GRAMD2A: variants seen among roughly 807,000 people sequenced by gnomAD.
The protein encoded by GRAMD2A is GRAM domain containing 2A.
Under a neutral mutation model 51.1 loss-of-function variants are expected in GRAMD2A, and 37 were observed. That is an observed-to-expected ratio of 0.72 (90% CI 0.56 to 0.95). The LOEUF (loss-of-function observed/expected upper bound fraction) is 0.95. Among genes scored for constraint, GRAMD2A ranks in the 40% least tolerant of loss-of-function variants. The pLI, the probability that GRAMD2A is intolerant of heterozygous loss-of-function variation, is 0.00. For missense variants in GRAMD2A, 414 were observed against 426.9 expected (o/e 0.97, Z 0.27); for synonymous variants, 136 against 157.1 (o/e 0.87, Z 1.01).
At chr15:72,181,503 G>C (rs1194366326) in intron 1 of GRAMD2A, among the ~76,000 whole-genome samples, 1 of 152,208 alleles carries the variant, frequency 6.6e-6, no homozygotes, top group African/African-American at 2.4e-5. Context: ...AGAGAGATCA[G>C]GTGAAAGGCT....
At chr15:72,185,999 A>G (rs1157976439) in intron 1 of GRAMD2A, among the ~76,000 whole-genome samples, 1 of 152,238 alleles carries the variant, frequency 6.6e-6, no homozygotes, top group Admixed American at 6.5e-5. Flanking sequence ...TAATTGCATA[A>G]AGATTTAAAA....
rs1390313601 is a variant in GRAMD2A, at chr15:72,166,713, G to A, written c.472-10C>T. The A allele has an allele frequency of 1.2e-6, 2 of 1,610,462 alleles. No individual in the cohort carries two copies. Among genetic ancestry groups the A allele is most frequent in the Non-Finnish European group, 8.5e-7 (1 of 1,177,732 alleles). On this transcript the variant is annotated splice_polypyrimidine_tract_variant and intron_variant, in intron 6 of 11. Coordinates refer to ENST00000309731, the MANE Select transcript of GRAMD2A (RefSeq NM_001012642.3). This position sits in a 1 kb window ranked among gnomAD's most constrained non-coding sequence, Gnocchi z 4.1. Reference sequence around the variant, plus strand: ...GTGACACAAAGATATACTGGGACATGGAAAGAAAACAGACAGGGGTAGGGT... The same window carrying A: ...GTGACACAAAGATATACTGGGACATAGAAAGAAAACAGACAGGGGTAGGGT...
chr15:72,161,262 G>A lies in GRAMD2A; in HGVS notation c.*747C>T, dbSNP rs1204476026. The A allele has an allele frequency of 6.6e-6, 1 of 152,442 alleles. No individual in the cohort carries two copies. Among genetic ancestry groups the A allele is most frequent in the Non-Finnish European group, 1.5e-5 (1 of 68,206 alleles). The allele number at this position is 152,442 out of a possible 1,614,324, so 9.4% of individuals were successfully genotyped here. On this transcript the variant is annotated 3_prime_UTR_variant, in exon 12 of 12. Coordinates refer to ENST00000309731, the MANE Select transcript of GRAMD2A (RefSeq NM_001012642.3). ...CCTGCTCCACTTGTCTCACCGGAAA[G>A]TGACAGCTGAGGACACAGAATTCAG... is the stretch of plus-strand genomic sequence containing the variant.
intron 1 of GRAMD2A, chr15:72,176,651 C>T (rs190218021): frequency 1.5e-3 from 228 of 152,500 alleles, no homozygotes; most frequent in South Asian, 0.014. Context: ...GGACATCTGT[C>T]CTGGATAAAA....
At chr15:72,169,968 G>A in intron 1 of GRAMD2A, 29 bp from the exon 2 acceptor site, 1 of 1,557,302 alleles carries the variant, frequency 6.4e-7, no homozygotes, top group Non-Finnish European at 8.9e-7. Flanking sequence ...ATATCAGGAA[G>A]GGGGCTTCAT....
At chr15:72,188,335 T>G (rs1369619327) in intron 1 of GRAMD2A, among the ~76,000 whole-genome samples, 1 of 141,262 alleles carries the variant, frequency 7.1e-6, no homozygotes, top group South Asian at 2.2e-4. Flanking sequence ...AGACTTCGTC[T>G]CAAAGAAAAA....
rs530624179 is a variant in GRAMD2A, at chr15:72,170,031, C to T, written c.42-92G>A. 30 of 911,990 alleles carry T rather than the reference C, an allele frequency of 3.3e-5. No homozygotes were observed. Among genetic ancestry groups the T allele is most frequent in the Non-Finnish European group, 3.7e-6 (2 of 541,372 alleles). 56.5% of individuals were successfully genotyped at this position (911,990 alleles called of 1,614,324 possible). ...CATGCCCATGGCCGCTGCCTCTGGC[C>T]CCCACCCAAGACTGGCCCTGATATT... On this transcript the variant is annotated intron_variant, in intron 1 of 11. Coordinates refer to ENST00000309731, the MANE Select transcript of GRAMD2A (RefSeq NM_001012642.3). This position sits in a 1 kb window ranked among gnomAD's most constrained non-coding sequence, Gnocchi z 4.5.
Position 72,163,727 on chromosome 15 carries a change from T to C in GRAMD2A, c.631A>G (p.Lys211Glu), listed in dbSNP as rs773395966. 1.2e-6 allele frequency: 2 copies of C among 1,609,382 alleles called. No homozygotes were observed. The highest frequency in any genetic ancestry group is 1.7e-6 in the Non-Finnish European group (2 of 1,178,834). ...EVLIPEMKWR[K>E]VCPSSRSLSL... ...AGGGACCTGGAGGAAGGGCATACCT[T>C]TCTCCACTTCATCTCAGGGATGAGG... The change falls in exon 9 of 12, where the codon AAG becomes GAG. Residue 211 changes from lysine (K) to glutamate (E), a missense_variant. Physicochemically the swap from Lys to Glu is moderately conservative, Grantham distance 56 (BLOSUM62 1). Transcript: ENST00000309731.
At chr15:72,169,620 C>A (rs1350301546) in intron 2 of GRAMD2A, 24 of 688,596 alleles carry the variant, frequency 3.5e-5, no homozygotes, top group Admixed American at 6.1e-5. Flanking sequence ...CACAGGTGAG[C>A]AGGGAGGAGG....
chr15:72,168,500 C>A lies in GRAMD2A; in HGVS notation c.259G>T (p.Val87Phe). ...CCGGGAGACAGCTCACCTTTGAGAA[C>A]CACTTCCTCCAAGGGAACATCCTTA... ...LFKDVPLEEV[V>F]LKVCSCALQR... is the part of the protein sequence containing the mutation. The change falls in exon 4 of 12, where the codon GTT becomes TTT. Residue 87 changes from valine (V) to phenylalanine (F), a missense_variant. Coordinates refer to ENST00000309731, the MANE Select transcript of GRAMD2A (RefSeq NM_001012642.3). The A allele has an allele frequency of 6.2e-7, 1 of 1,613,048 alleles. No homozygotes were observed. Among genetic ancestry groups the A allele is most frequent in the Non-Finnish European group, 8.5e-7 (1 of 1,179,212 alleles).
intron 1 of GRAMD2A, among the ~76,000 whole-genome samples, chr15:72,180,166 C>T (rs996814507): frequency 6.6e-6 from 1 of 152,220 alleles, no homozygotes; most frequent in Non-Finnish European, 1.5e-5. Flanking sequence ...AACCGGGAAG[C>T]TTTCCTCCTG....
In GRAMD2A at chr15:72,167,814, G is replaced by A. The variant is rs2081564880; in HGVS notation, c.294C>T (p.Asp98=). Residue 98 remains aspartate, a synonymous_variant, in exon 5 of 12, where the codon GAC becomes GAT. Coordinates refer to ENST00000309731, the MANE Select transcript of GRAMD2A (RefSeq NM_001012642.3). ...TGTAGAGCCGGCCCTGGAGGAGGAA[G>A]TCCCTCTGGAGGGCACAGGAACACA... ...LKVCSCALQR[D]FLLQGRLYIS... The A allele has an allele frequency of 9.9e-6, 16 of 1,613,892 alleles. No individual in the cohort carries two copies. Among genetic ancestry groups the A allele is most frequent in the Non-Finnish European group, 1.4e-5 (16 of 1,179,912 alleles).
At chr15:72,194,419 C>T (rs1010382458) in intron 1 of GRAMD2A, among the ~76,000 whole-genome samples, 3 of 152,148 alleles carry the variant, frequency 2.0e-5, no homozygotes, top group African/African-American at 7.2e-5. Flanking sequence ...TTTATTCTTT[C>T]TCCTAAGCTT....
chr15:72,179,504 G>C (rs1293879550), intron 1 of GRAMD2A, among the ~76,000 whole-genome samples: 3 of 152,244 alleles, frequency 2.0e-5, no homozygotes, highest in African/African-American at 7.2e-5. Flanking sequence ...GAGGGGGCAG[G>C]AGGCAGAGAG....
At position 72,171,758 on chromosome 15, in the gene GRAMD2A, G is replaced by A. The variant is rs7177512; in HGVS notation, c.42-1819C>T. ...CACTGGAAGTTCATTGTCTTATAGA[G>A]AATTCACAGGTGAAATTCTTTCTTC... On this transcript the variant is annotated intron_variant, in intron 1 of 11. Coordinates refer to ENST00000309731, the MANE Select transcript of GRAMD2A (RefSeq NM_001012642.3). Among the ~76,000 whole-genome samples the A allele has an allele frequency of 1.8e-4, 28 of 152,216 alleles. No individual in the cohort carries two copies. In the South Asian group the frequency reaches 5.8e-3, roughly 31 times the overall value.
chr15:72,180,008 C>T (rs546406148), intron 1 of GRAMD2A, among the ~76,000 whole-genome samples: 1 of 152,356 alleles, frequency 6.6e-6, no homozygotes, highest in Non-Finnish European at 1.5e-5. Context: ...GAGGCACGAC[C>T]CAACTTCAGC....
In GRAMD2A at chr15:72,166,568, T is replaced by C. The variant is rs1186592240; in HGVS notation, c.543+64A>G. On this transcript the variant is annotated intron_variant, in intron 7 of 11. Transcript: ENST00000309731. The surrounding 1 kb of genome is among the most constrained non-coding windows in gnomAD (Gnocchi z 4.1). Reference sequence around the variant, plus strand: ...AGATGGGCGACCTCCCCCAACACCCTTGTGCAAGACCTGCATCCAGGCCTG... The same window carrying C: ...AGATGGGCGACCTCCCCCAACACCCCTGTGCAAGACCTGCATCCAGGCCTG... 1.6e-6 allele frequency: 2 copies of C among 1,249,724 alleles called. No individual in the cohort carries two copies. The highest frequency in any genetic ancestry group is 2.4e-6 in the Non-Finnish European group (2 of 850,882). The allele number at this position is 1,249,724 out of a possible 1,614,324, so 77.4% of individuals were successfully genotyped here.
chr15:72,174,605 C>T (rs919618325), intron 1 of GRAMD2A, among the ~76,000 whole-genome samples: 2 of 152,140 alleles, frequency 1.3e-5, no homozygotes, highest in Non-Finnish European at 2.9e-5. Context: ...GGAAATCCTC[C>T]GATGAGGCCC....
intron 1 of GRAMD2A, among the ~76,000 whole-genome samples, chr15:72,191,243 A>G (rs1464422225): frequency 6.6e-6 from 1 of 151,980 alleles, no homozygotes; most frequent in Non-Finnish European, 1.5e-5. Context: ...CTTGTTGCCC[A>G]GGCTGGAGTG....
Sources: gnomAD v4.1 joint callset for allele counts (sites outside exome capture counted in the v4.1 genomes callset) on GRCh38, gnomAD v4.1.1 for gene constraint, Gnocchi (gnomAD v3.1) non-coding constraint, MANE v1.5 for transcripts, NCBI Gene and HGNC (gene_info 2026-07-23, HGNC 2026-07-21) for gene names.